Variants in RBFOX1 observed in about 807,000 individuals in gnomAD.
The protein encoded by RBFOX1 is RNA binding protein fox-1 homolog 1.
A neutral mutation model predicts 57.7 loss-of-function variants in RBFOX1; 8 were observed. The observed-to-expected ratio is 0.14, with a 90% CI of 0.08 to 0.25. The LOEUF (loss-of-function observed/expected upper bound fraction) is 0.25. RBFOX1 is among the 10% of genes least tolerant of loss of function. The pLI, the probability that RBFOX1 is intolerant of heterozygous loss-of-function variation, is 1.00. For missense variants in RBFOX1, 611 were observed against 548.5 expected, an observed-to-expected ratio of 1.11 and a Z score of -1.14; for synonymous variants, 326 against 222.4, an observed-to-expected ratio of 1.47 and a Z score of -4.15.
chr16:6,844,673 A>T (rs893757128), intron 3 of RBFOX1, among the ~76,000 whole-genome samples: 3 of 152,152 alleles, frequency 2.0e-5, no homozygotes, highest in African/African-American at 7.2e-5. Flanking sequence ...TTATAAAAGA[A>T]TGATTTCTGT....
At chr16:6,932,181 G>A (rs201435226) in intron 3 of RBFOX1, among the ~76,000 whole-genome samples, 2 of 152,262 alleles carry the variant, frequency 1.3e-5, no homozygotes, top group East Asian at 1.9e-4. Flanking sequence ...TTGGCTCACT[G>A]CAACCTCCAC....
chr16:7,287,466 C>T lies in RBFOX1; in HGVS notation c.28-230681C>T, dbSNP rs1353785732. Among the ~76,000 whole-genome samples, 14 of 152,290 alleles carry T rather than the reference C, an allele frequency of 9.2e-5. No individual in the cohort carries two copies. In the East Asian group the frequency reaches 2.3e-3, roughly 25 times the overall value. ...AAAGGACCAGGACAGCGAGTAGGTG[C>T]AAGCTGATCCTTGGTGGACCAAGCC... On this transcript the variant is annotated intron_variant, in intron 4 of 15. Coordinates refer to ENST00000550418, the MANE Select transcript of RBFOX1 (RefSeq NM_018723.4).
intron 4 of RBFOX1, among the ~76,000 whole-genome samples, chr16:7,353,619 T>C (rs2146121662): frequency 6.6e-6 from 1 of 152,300 alleles, no homozygotes; most frequent in Non-Finnish European, 1.5e-5. Flanking sequence ...ATGGGATATG[T>C]TCAGGTATAA....
chr16:6,022,060 C>G (rs1459803984), intron 1 of RBFOX1, among the ~76,000 whole-genome samples: 1 of 152,168 alleles, frequency 6.6e-6, no homozygotes, highest in Non-Finnish European at 1.5e-5. Context: ...CCATTCTGCT[C>G]TCTGCATGTT....
intron 1 of RBFOX1, among the ~76,000 whole-genome samples, chr16:5,320,610 C>G (rs994883147): frequency 2.0e-5 from 3 of 152,238 alleles, no homozygotes; most frequent in Admixed American, 1.3e-4. Context: ...AGAAGTTCTC[C>G]TAACATGCTT....
At chr16:6,386,484 G>C (rs1221064867) in intron 2 of RBFOX1, among the ~76,000 whole-genome samples, 1 of 152,112 alleles carries the variant, frequency 6.6e-6, no homozygotes, top group East Asian at 1.9e-4. Context: ...AATTAACCCC[G>C]ATGCTGGGGA....
At position 7,558,137 on chromosome 16, in the gene RBFOX1, G is replaced by A. The variant is rs144594303; in HGVS notation, c.271-21640G>A. Among the ~76,000 whole-genome samples the A allele has an allele frequency of 5.6e-4, 85 of 152,126 alleles. 1 individual carries two copies. Among genetic ancestry groups the A allele is most frequent in the African/African-American group, 1.9e-3 (80 of 41,496 alleles). On this transcript the variant is annotated intron_variant, in intron 5 of 15. Transcript: ENST00000550418. ...TGGGGGGCCGAGGTGGTAGATCACT[G>A]GAACCCAGGAGTTCAAGATCACCCT...
chr16:5,265,327 G>A (rs184566615), intron 1 of RBFOX1, among the ~76,000 whole-genome samples: 111 of 138,484 alleles, frequency 8.0e-4, no homozygotes, highest in African/African-American at 2.9e-3. Flanking sequence ...CTAACTCAAT[G>A]CTAGTGGTAG....
intron 10 of RBFOX1, among the ~76,000 whole-genome samples, chr16:7,617,660 A>AT (rs1320850344): frequency 1.3e-5 from 2 of 152,174 alleles, no homozygotes; most frequent in Non-Finnish European, 2.9e-5. Context: ...GTTTCCATGA[A>AT]TTCACCTTTT....
intron 2 of RBFOX1, among the ~76,000 whole-genome samples, chr16:6,417,180 T>G (rs2093646512): frequency 1.3e-5 from 2 of 151,788 alleles, no homozygotes; most frequent in South Asian, 4.2e-4. Context: ...CCCAGTAAAC[T>G]TTTGTATTTT....
chr16:6,690,087 G>T (rs959224754), intron 3 of RBFOX1, among the ~76,000 whole-genome samples: 1 of 151,930 alleles, frequency 6.6e-6, no homozygotes, highest in Non-Finnish European at 1.5e-5. Context: ...TTTTCCTGTT[G>T]GGAATTATCC....
intron 1 of RBFOX1, among the ~76,000 whole-genome samples, chr16:6,207,778 C>T (rs1475190671): frequency 6.6e-6 from 1 of 151,926 alleles, no homozygotes. Flanking sequence ...GCCTCAAAGC[C>T]CTGGGCTCAG....
intron 5 of RBFOX1, among the ~76,000 whole-genome samples, chr16:7,551,683 G>T (rs1292273302): frequency 1.3e-5 from 2 of 152,170 alleles, no homozygotes; most frequent in African/African-American, 4.8e-5. Context: ...TCAGTGGCAT[G>T]CAGGAAGCTG....
intron 3 of RBFOX1, among the ~76,000 whole-genome samples, chr16:7,025,311 G>A (rs955993774): frequency 6.6e-6 from 1 of 152,134 alleles, no homozygotes; most frequent in Admixed American, 6.5e-5. Flanking sequence ...CAGTGAGGAC[G>A]ACCAGAGGTC....
chr16:7,000,516 TTGA>T (rs2092683909), intron 3 of RBFOX1, among the ~76,000 whole-genome samples: 1 of 152,082 alleles, frequency 6.6e-6, no homozygotes, highest in Admixed American at 6.6e-5. Flanking sequence ...ATTCAGAAGT[TTGA>T]TGAGATTTTT....
chr16:5,601,770 G>C (rs2047372527), downstream of RBFOX1: 1 of 152,234 alleles, frequency 6.6e-6, no homozygotes, highest in Non-Finnish European at 1.5e-5. Context: ...TGGCACAGAA[G>C]CTTTTGAAGG....
chr16:5,722,838 T>A (rs2051986929), intron 3 of RBFOX1, among the ~76,000 whole-genome samples: 2 of 152,216 alleles, frequency 1.3e-5, no homozygotes, highest in Non-Finnish European at 2.9e-5. Flanking sequence ...CAAGACCAAG[T>A]ATCCCCCTAC....
At chr16:6,596,043 A>T (rs1477228983) in intron 2 of RBFOX1, among the ~76,000 whole-genome samples, 1 of 151,996 alleles carries the variant, frequency 6.6e-6, no homozygotes, top group Non-Finnish European at 1.5e-5. Context: ...ATCACATGTG[A>T]TTTGAAAATA....
intron 2 of RBFOX1, among the ~76,000 whole-genome samples, chr16:6,359,491 A>T (rs1008102513): frequency 2.0e-5 from 3 of 152,144 alleles, no homozygotes; most frequent in Non-Finnish European, 4.4e-5. Context: ...TTGTCTTAGG[A>T]TGGGAGCACA....
Sources: allele counts gnomAD v4.1 joint callset (sites outside exome capture counted in the v4.1 genomes callset), GRCh38; gene constraint gnomAD v4.1.1; transcripts MANE v1.5; gene names NCBI Gene and HGNC (gene_info 2026-07-23, HGNC 2026-07-21).